Variants in TBCD observed in about 807,000 individuals in gnomAD.
TBCD encodes the protein tubulin folding cofactor D, also known as tubulin-specific chaperone D.
A neutral mutation model predicts 169.3 loss-of-function variants in TBCD; 105 were observed. The observed-to-expected ratio is 0.62, with a 90% confidence interval of 0.53 to 0.73. The LOEUF (loss-of-function observed/expected upper bound fraction) is 0.73, where lower values mean the gene tolerates loss of function less well. TBCD is among the 30% of genes least tolerant of loss of function. The pLI is 0.00. For missense variants in TBCD, 1,444 were observed against 1,600.1 expected (o/e 0.90, Z 1.66); for synonymous variants, 700 against 643.9 (o/e 1.09, Z -1.32).
At chr17:82,814,957 G>C (rs761072881) in intron 13 of TBCD, 23 bp downstream of exon 13, 1 of 1,605,524 alleles carries the variant, frequency 6.2e-7, no homozygotes, top group Non-Finnish European at 8.5e-7. Flanking sequence ...GGCACGGTCA[G>C]GGGGGATGTC....
intron 17 of TBCD, among the ~76,000 whole-genome samples, chr17:82,894,742 C>T (rs2059367279): frequency 6.6e-6 from 1 of 152,172 alleles, no homozygotes; most frequent in South Asian, 2.1e-4. Flanking sequence ...TCCCAGCACT[C>T]TGGGAGGCCA....
chr17:82,936,886 C>T (rs943359658), intron 34 of TBCD, among the ~76,000 whole-genome samples: 3 of 152,214 alleles, frequency 2.0e-5, no homozygotes, highest in Admixed American at 6.5e-5. Flanking sequence ...TCGGCAGTTT[C>T]CCCCGGCTCT....
In TBCD at chr17:82,781,677, A is replaced by G. The variant is rs1405527585; in HGVS notation, c.727A>G (p.Thr243Ala). 6.2e-7 allele frequency: 1 copy of G among 1,613,728 alleles called. No individual in the cohort carries two copies. The highest frequency in any genetic ancestry group is 1.1e-5 in the South Asian group (1 of 91,072). Residue 243 changes from threonine (T) to alanine (A), a missense_variant, in exon 7 of 39, where the codon ACC becomes GCC. Physicochemically the swap from Thr to Ala is moderately conservative, Grantham distance 58. Transcript: ENST00000355528. ...CAATCTGGCCCGTTCCTCCTTCCAG[A>G]CCATGCAGGGGGTCATCACCATGGA... is the stretch of plus-strand genomic sequence containing the variant. ...LCNLARSSFQ[T>A]MQGVITMDGT... is the part of the protein sequence containing the mutation.
intron 34 of TBCD, among the ~76,000 whole-genome samples, chr17:82,934,167 C>T (rs1445567929): frequency 3.3e-5 from 5 of 152,222 alleles, no homozygotes; most frequent in African/African-American, 1.2e-4. Flanking sequence ...AGAACCTGAG[C>T]GAGCTCTGCA....
intron 13 of TBCD, among the ~76,000 whole-genome samples, chr17:82,865,918 T>C (rs2057138630): frequency 6.6e-6 from 1 of 152,168 alleles, no homozygotes; most frequent in Non-Finnish European, 1.5e-5. Flanking sequence ...GAGAAGGGTT[T>C]TTCAATTACA....
intron 5 of TBCD, 141 bp downstream of exon 5, chr17:82,768,707 A>G: frequency 1.1e-6 from 1 of 928,086 alleles, no homozygotes; most frequent in South Asian, 1.8e-5. Context: ...CCCATAGGAT[A>G]ACTTATTTTG....
Position 82,938,038 on chromosome 17 carries a change from G to C in TBCD, c.3282-11G>C. 6.2e-7 allele frequency: 1 copy of C among 1,612,806 alleles called. No individual in the cohort carries two copies. Among genetic ancestry groups the C allele is most frequent in the Admixed American group, 1.7e-5 (1 of 60,014 alleles). ...TGGGGCTCACCTGGAGCCATGTGCT[G>C]CTCCCGGCAGGTTCTGCGAGATGGT... On this transcript the variant is annotated splice_polypyrimidine_tract_variant and intron_variant, in intron 35 of 38. Coordinates refer to ENST00000355528, the MANE Select transcript of TBCD (RefSeq NM_005993.5).
intron 4 of TBCD, among the ~76,000 whole-genome samples, chr17:82,767,767 T>C (rs561353153): frequency 6.6e-6 from 1 of 152,100 alleles, no homozygotes; most frequent in Non-Finnish European, 1.5e-5. Context: ...CCATCCTGGC[T>C]AACACGGTGC....
chr17:82,818,216 C>T (rs1490229012), intron 13 of TBCD, among the ~76,000 whole-genome samples: 1 of 152,156 alleles, frequency 6.6e-6, no homozygotes, highest in Non-Finnish European at 1.5e-5. Context: ...GTTGGTTGGC[C>T]CCTTCTGCCT....
Position 82,831,971 on chromosome 17 carries a change from A to G in TBCD, c.1318+17037A>G. The G allele has an allele frequency of 1.2e-6, 2 of 1,613,740 alleles. No homozygotes were observed. The highest frequency in any genetic ancestry group is 1.7e-6 in the Non-Finnish European group (2 of 1,179,704). On this transcript the variant is annotated intron_variant, in intron 13 of 38. Transcript: ENST00000355528. This position sits in a 1 kb window ranked among gnomAD's most constrained non-coding sequence, Gnocchi z 4.6. ...AGTCTGTGCTCGCCGACTGGAACAA[A>G]TGCAGAAGGCCGAGCTGCGCCTTCC...
intron 22 of TBCD, among the ~76,000 whole-genome samples, chr17:82,910,320 G>T (rs1293119750): frequency 6.6e-6 from 1 of 152,194 alleles, no homozygotes; most frequent in Non-Finnish European, 1.5e-5. Flanking sequence ...TCTCGCTGCT[G>T]CTGGAGTCTG....
At chr17:82,941,921 G>A in intron 38 of TBCD, 1 of 214,850 alleles carries the variant, frequency 4.7e-6, no homozygotes, top group Admixed American at 5.7e-5. Flanking sequence ...ACAAAAACAA[G>A]TACCTCAGTT....
Position 82,782,565 on chromosome 17 carries a change from C to T in TBCD, c.771+844C>T, listed in dbSNP as rs750743214. ...CTATGTAGGTCAGGGTGGTCTTAAA[C>T]TCCTGGCCTCAAGTGATCCTCCTGC... On this transcript the variant is annotated intron_variant, in intron 7 of 38. Coordinates refer to ENST00000355528, the MANE Select transcript of TBCD (RefSeq NM_005993.5). The surrounding 1 kb of genome is among the most constrained non-coding windows in gnomAD (Gnocchi z 5.1). Among the ~76,000 whole-genome samples, 3 of 152,132 alleles carry T rather than the reference C, an allele frequency of 2.0e-5. No homozygotes were observed. Among genetic ancestry groups the T allele is most frequent in the Non-Finnish European group, 4.4e-5 (3 of 68,034 alleles).
intron 13 of TBCD, among the ~76,000 whole-genome samples, chr17:82,825,802 G>A (rs1393911440): frequency 1.3e-5 from 2 of 152,082 alleles, no homozygotes; most frequent in South Asian, 2.1e-4. Context: ...ACCATTCTTC[G>A]TTAAAAAATT....
chr17:82,857,906 T>C (rs1332102342), intron 13 of TBCD, among the ~76,000 whole-genome samples: 1 of 143,422 alleles, frequency 7.0e-6, no homozygotes, highest in Non-Finnish European at 1.5e-5. Context: ...CTAGCATTAT[T>C]TTAATTTGTT....
chr17:82,895,004 C>G (rs907858958), intron 17 of TBCD, among the ~76,000 whole-genome samples: 5 of 152,204 alleles, frequency 3.3e-5, no homozygotes, highest in African/African-American at 1.2e-4. Context: ...CCACCTTTTC[C>G]CGAGTTTCCT....
At position 82,832,986 on chromosome 17, in the gene TBCD, G is replaced by A. The variant is rs562228314; in HGVS notation, c.1318+18052G>A. ...CATCCTGTGACCTGGACCTTTCCTC[G>A]AAAGCGCCCTGCCGGGGGCTGAGGA... On this transcript the variant is annotated intron_variant, in intron 13 of 38. Transcript: ENST00000355528. The surrounding 1 kb of genome is among the most constrained non-coding windows in gnomAD (Gnocchi z 4.9). Among the ~76,000 whole-genome samples, 35 of 152,256 alleles carry A rather than the reference G, an allele frequency of 2.3e-4. No individual in the cohort carries two copies. Among genetic ancestry groups the A allele is most frequent in the African/African-American group, 8.2e-4 (34 of 41,550 alleles).
In TBCD at chr17:82,758,457, C is replaced by T. The variant is rs886426769; in HGVS notation, c.235+2242C>T. ...TAGAGAAGGGGTCTTGCCGTGTTGC[C>T]CAGGCTGGTCTCATACCTCTGGGTT... On this transcript the variant is annotated intron_variant, in intron 2 of 38. Coordinates refer to ENST00000355528, the MANE Select transcript of TBCD (RefSeq NM_005993.5). Among the ~76,000 whole-genome samples the T allele has an allele frequency of 5.5e-5, 8 of 146,046 alleles. No individual in the cohort carries two copies. In the South Asian group the frequency reaches 8.6e-4, roughly 16 times the overall value.
At position 82,782,381 on chromosome 17, in the gene TBCD, C is replaced by T. The variant is rs761080744; in HGVS notation, c.771+660C>T. Among the ~76,000 whole-genome samples the T allele has an allele frequency of 3.9e-5, 6 of 152,204 alleles. No individual in the cohort carries two copies. Among genetic ancestry groups the T allele is most frequent in the East Asian group, 1.9e-4 (1 of 5,198 alleles). ...GCCGGCAGCCGGCTGTGGCCTTTGG[C>T]GTGGTGGGTTCAGCGCCTTCTTCTC... On this transcript the variant is annotated intron_variant, in intron 7 of 38. Coordinates refer to ENST00000355528, the MANE Select transcript of TBCD (RefSeq NM_005993.5). The surrounding 1 kb of genome is among the most constrained non-coding windows in gnomAD (Gnocchi z 5.1).
Sources: allele counts gnomAD v4.1 joint callset (sites outside exome capture counted in the v4.1 genomes callset), GRCh38; gene constraint gnomAD v4.1.1; non-coding constraint Gnocchi (gnomAD v3.1); transcripts MANE v1.5; gene names NCBI Gene and HGNC (gene_info 2026-07-23, HGNC 2026-07-21).